Variants in LOXL2 observed in about 807,000 individuals in gnomAD.
LOXL2 encodes the protein lysyl oxidase like 2, also known as lysyl oxidase homolog 2.
A neutral mutation model predicts 93.0 loss-of-function variants in LOXL2; 70 were observed. That is an observed-to-expected ratio of 0.75 (90% confidence interval 0.62 to 0.92). The LOEUF is 0.92. LOXL2 is among the 40% of genes least tolerant of loss of function. The pLI is 0.00. For synonymous variants in LOXL2, 438 were observed against 413.2 expected (o/e 1.06, Z -0.73); for missense variants, 973 against 1,054.9 (o/e 0.92, Z 1.08).
At chr8:23,360,739 T>C (rs1804275580) in intron 2 of LOXL2, among the ~76,000 whole-genome samples, 1 of 151,966 alleles carries the variant, frequency 6.6e-6, no homozygotes, top group Non-Finnish European at 1.5e-5. Flanking sequence ...CTAAAAATAG[T>C]GATGATGATG....
intron 10 of LOXL2, among the ~76,000 whole-genome samples, chr8:23,305,435 G>A (rs1803214615): frequency 6.6e-6 from 1 of 152,138 alleles, no homozygotes; most frequent in African/African-American, 2.4e-5. Flanking sequence ...TGCCTCTTAG[G>A]CGTATGCGGT....
intron 2 of LOXL2, among the ~76,000 whole-genome samples, chr8:23,367,604 G>A (rs1804425333): frequency 6.7e-6 from 1 of 149,760 alleles, no homozygotes; most frequent in Admixed American, 6.6e-5. Flanking sequence ...GGAGTAAAGC[G>A]CAACTTCCTC....
chr8:23,315,668 G>T (rs1479771244), intron 9 of LOXL2, among the ~76,000 whole-genome samples: 59 of 152,114 alleles, frequency 3.9e-4, no homozygotes, highest in Non-Finnish European at 2.2e-4. Context: ...TCTTTGCTCT[G>T]GCTGCTAGGA....
chr8:23,383,164 C>T (rs1804703931), intron 1 of LOXL2, among the ~76,000 whole-genome samples: 1 of 152,148 alleles, frequency 6.6e-6, no homozygotes, highest in South Asian at 2.1e-4. Context: ...CTCTCCACAA[C>T]CCTCCTCCTT....
intron 5 of LOXL2, among the ~76,000 whole-genome samples, chr8:23,331,147 C>A (rs989831047): frequency 6.6e-6 from 1 of 152,156 alleles, no homozygotes; most frequent in African/African-American, 2.4e-5. Context: ...AGTGTAATAA[C>A]CTCCTTTCCA....
rs1464102013 is a variant in LOXL2, at chr8:23,332,292, C to T, written c.966+1109G>A. On this transcript the variant is annotated intron_variant, in intron 5 of 13. Transcript: ENST00000389131. ...CACATACACACAACCCACACAGACC[C>T]CCACACACACTCATACACACCCCCT... Among the ~76,000 whole-genome samples, 75 of 120,848 alleles carry T rather than the reference C, an allele frequency of 6.2e-4. 1 individual carries two copies. Among genetic ancestry groups the T allele is most frequent in the Admixed American group, 2.1e-3 (23 of 11,210 alleles). 79.3% of individuals were successfully genotyped at this position (120,848 alleles called of 152,430 possible).
At chr8:23,321,148 A>C (rs1465192919) in intron 7 of LOXL2, among the ~76,000 whole-genome samples, 2 of 152,082 alleles carry the variant, frequency 1.3e-5, no homozygotes, top group Admixed American at 1.3e-4. Context: ...GAGCCAGAGC[A>C]GTGTTCCTGC....
At chr8:23,367,941 G>A in intron 2 of LOXL2, 56 bp downstream of exon 2, 1 of 1,459,178 alleles carries the variant, frequency 6.9e-7, no homozygotes, top group Non-Finnish European at 9.4e-7. Flanking sequence ...CTCAGGGAAG[G>A]CCACTCCGGG....
At chr8:23,319,574 C>T (rs1029200361) in intron 8 of LOXL2, among the ~76,000 whole-genome samples, 5 of 152,100 alleles carry the variant, frequency 3.3e-5, no homozygotes, top group Admixed American at 3.3e-4. Flanking sequence ...TCAGGAACCC[C>T]CAGGATCAGT....
At chr8:23,332,237 AC>A (rs1372021334) in intron 5 of LOXL2, among the ~76,000 whole-genome samples, 2 of 61,386 alleles carry the variant, frequency 3.3e-5, no homozygotes, top group African/African-American at 1.4e-4. Flanking sequence ...CTACACACTC[AC>A]ACCCCCACAC....
At chr8:23,301,537 T>G (rs905542879) in intron 12 of LOXL2, among the ~76,000 whole-genome samples, 4 of 152,194 alleles carry the variant, frequency 2.6e-5, no homozygotes, top group Non-Finnish European at 5.9e-5. Flanking sequence ...CAGATCCTCC[T>G]CTATGAGGCA....
intron 3 of LOXL2, among the ~76,000 whole-genome samples, chr8:23,347,524 T>A (rs1804014316): frequency 1.3e-5 from 2 of 151,466 alleles, no homozygotes; most frequent in Admixed American, 1.3e-4. Flanking sequence ...TAGCCAGACA[T>A]CTGTAATCCC....
Position 23,328,542 on chromosome 8 carries a change from G to T in LOXL2, c.990C>A (p.Gly330=). The T allele has an allele frequency of 1.9e-6, 3 of 1,613,914 alleles. No homozygotes were observed. Among genetic ancestry groups the T allele is most frequent in the Non-Finnish European group, 2.5e-6 (3 of 1,180,006 alleles). Reference sequence around the variant, plus strand: ...CGCGGCCCTCCCCGATGTAGGCACCGCCTCTCAGTCGCACCAGGGGTTGCT... The same window carrying T: ...CGCGGCCCTCCCCGATGTAGGCACCTCCTCTCAGTCGCACCAGGGGTTGCT... The part of the protein sequence containing the change: ...KPEQPLVRLR[G]GAYIGEGRVE... Residue 330 remains glycine, a synonymous_variant, in exon 6 of 14, where the codon GGC becomes GGA. Transcript: ENST00000389131.
intron 2 of LOXL2, among the ~76,000 whole-genome samples, chr8:23,361,972 C>A (rs1007980906): frequency 6.6e-6 from 1 of 152,188 alleles, no homozygotes; most frequent in African/African-American, 2.4e-5. Flanking sequence ...GAAAACAGTA[C>A]GGTGTTTCCT....
At chr8:23,332,960 G>C (rs1001288475) in intron 5 of LOXL2, among the ~76,000 whole-genome samples, 2 of 151,120 alleles carry the variant, frequency 1.3e-5, no homozygotes, top group African/African-American at 2.4e-5. Flanking sequence ...CTAATGTATA[G>C]ATGACTTAGG....
At chr8:23,362,336 T>C (rs1256346856) in intron 2 of LOXL2, among the ~76,000 whole-genome samples, 1 of 152,206 alleles carries the variant, frequency 6.6e-6, no homozygotes, top group East Asian at 1.9e-4. Flanking sequence ...TGGAGGTGGT[T>C]GTTTAATCGG....
At chr8:23,382,294 G>A (rs1289578399) in intron 1 of LOXL2, 1 of 152,226 alleles carries the variant, frequency 6.6e-6, no homozygotes, top group Non-Finnish European at 1.5e-5. Flanking sequence ...GAGGCGGGCA[G>A]ATCACGACGT....
intron 5 of LOXL2, 41 bp from the exon 6 acceptor site, chr8:23,328,606 C>A (rs781748231): frequency 2.5e-6 from 4 of 1,583,124 alleles, no homozygotes; most frequent in Non-Finnish European, 2.6e-6. Flanking sequence ...GACGCTGATG[C>A]ACGTTCAGCG....
At chr8:23,342,246 G>A (rs1585359544) in intron 3 of LOXL2, among the ~76,000 whole-genome samples, 1 of 152,168 alleles carries the variant, frequency 6.6e-6, no homozygotes, top group East Asian at 1.9e-4. Flanking sequence ...GAGGTTCCCT[G>A]GAGTTACAGT....
Sources: gnomAD v4.1 joint callset for allele counts (sites outside exome capture counted in the v4.1 genomes callset) on GRCh38, gnomAD v4.1.1 for gene constraint, MANE v1.5 for transcripts, NCBI Gene and HGNC (gene_info 2026-07-23, HGNC 2026-07-21) for gene names.